GLB1L2: variants seen among roughly 807,000 people sequenced by gnomAD.
GLB1L2 encodes the protein beta-galactosidase-1-like protein 2.
GLB1L2 carries 68 observed loss-of-function variants against 84.1 expected under a neutral mutation model. The ratio of observed to expected loss-of-function variants is 0.81; its 90% confidence interval spans 0.67 to 0.99. The LOEUF (loss-of-function observed/expected upper bound fraction) is 0.99. Ranked by LOEUF, GLB1L2 falls within the 50% of genes least tolerant of loss-of-function variation. The probability of loss-of-function intolerance (pLI) is 0.00; values close to 1 mark genes in which losing one functional copy is unlikely to be tolerated. For missense variants in GLB1L2, 762 were observed against 805.6 expected (o/e 0.95, Z 0.66); for synonymous variants, 290 against 318.0 (o/e 0.91, Z 0.94).
At chr11:134,333,470 G>A (rs948640275) in intron 1 of GLB1L2, among the ~76,000 whole-genome samples, 1 of 152,224 alleles carries the variant, frequency 6.6e-6, no homozygotes, top group Non-Finnish European at 1.5e-5. Flanking sequence ...AGGCGTGCAA[G>A]CTGCCAAGAG....
intron 6 of GLB1L2, among the ~76,000 whole-genome samples, chr11:134,357,575 G>A (rs1036232819): frequency 1.3e-5 from 2 of 152,250 alleles, no homozygotes; most frequent in African/African-American, 2.4e-5. Context: ...GCCTCTCAGC[G>A]GTTGTTGACT....
intron 15 of GLB1L2, 62 bp from the exon 16 acceptor site, chr11:134,373,659 C>T: frequency 1.8e-6 from 2 of 1,113,270 alleles, no homozygotes; most frequent in Admixed American, 1.8e-5. Flanking sequence ...CCTCGTGGCC[C>T]CGGCCCAGCT....
In GLB1L2 at chr11:134,364,317, C is replaced by T; in HGVS notation, c.734-11C>T. 1.2e-6 allele frequency: 2 copies of T among 1,611,358 alleles called. No homozygotes were observed. The highest frequency in any genetic ancestry group is 2.2e-5 in the South Asian group (2 of 90,942). ...GTGCTTTGTCTCTCTCTCTCCTCTT[C>T]CCTTTAACAGTCTTGGCCACCATCA... On this transcript the variant is annotated splice_polypyrimidine_tract_variant and intron_variant, in intron 7 of 18. Coordinates refer to ENST00000535456, the MANE Select transcript of GLB1L2 (RefSeq NM_001370461.1).
chr11:134,344,710 G>A (rs888715384), intron 3 of GLB1L2, among the ~76,000 whole-genome samples: 5 of 152,252 alleles, frequency 3.3e-5, no homozygotes, highest in Non-Finnish European at 5.9e-5. Flanking sequence ...GGAGCCGCCC[G>A]ACTCTGCATG....
intron 5 of GLB1L2, among the ~76,000 whole-genome samples, chr11:134,349,924 G>T (rs1005905787): frequency 3.9e-5 from 6 of 152,140 alleles, no homozygotes; most frequent in Non-Finnish European, 1.5e-5. Flanking sequence ...TGGAAGCTAG[G>T]GCCTGGAACG....
At chr11:134,332,231 C>T in intron 1 of GLB1L2, 84 bp downstream of exon 1, 1 of 982,878 alleles carries the variant, frequency 1.0e-6, no homozygotes. Flanking sequence ...CCGCGACCCG[C>T]GAATCCCGAG....
intron 1 of GLB1L2, among the ~76,000 whole-genome samples, chr11:134,340,764 T>C (rs1418253460): frequency 6.6e-6 from 1 of 152,228 alleles, no homozygotes; most frequent in African/African-American, 2.4e-5. Context: ...CATTCGTAGA[T>C]GGTGTGGCTG....
At position 134,371,138 on chromosome 11, in the gene GLB1L2, A is replaced by G; in HGVS notation, c.1346A>G (p.Asp449Gly). ...GGCATCCTCAGTGGCCACGTGCATG[A>G]TCGGGGGCAGGTAGGAGCTTCTCTT... Reference protein sequence around the residue: ...SSGILSGHVHDRGQVFVNTVS... With the variant: ...SSGILSGHVHGRGQVFVNTVS... The change falls in exon 13 of 19, where the codon GAT (aspartate) becomes GGT (glycine). Residue 449 changes from aspartate to glycine, a missense_variant. Asp to Gly is a moderately conservative substitution (Grantham distance 94). Around this residue, in one of 3 missense-constraint regions of GLB1L2, gnomAD observed 603 missense variants for 611.7 expected, o/e 0.99. Transcript: ENST00000535456. 6.2e-7 allele frequency: 1 copy of G among 1,614,194 alleles called. No individual in the cohort carries two copies. Among genetic ancestry groups the G allele is most frequent in the Middle Eastern group, 1.6e-4 (1 of 6,062 alleles).
At chr11:134,374,894 AC>A in intron 18 of GLB1L2, 77 bp from the exon 19 acceptor site, 1 of 1,404,128 alleles carries the variant, frequency 7.1e-7, no homozygotes, top group African/African-American at 1.4e-5. Context: ...TTTCCTTCTG[AC>A]CCTGCCACCT....
Position 134,372,136 on chromosome 11 carries a change from C to T in GLB1L2, c.1507+306C>T, listed in dbSNP as rs1011869720. ...CTGCAAGGATGTCTGCTTGGGGGGG[C>T]GGCAGTGAGGAGCAATGAATGTGAT... is the stretch of plus-strand genomic sequence containing the variant. On this transcript the variant is annotated intron_variant, in intron 15 of 18. Transcript: ENST00000535456. Among the ~76,000 whole-genome samples, 93 of 152,240 alleles carry T rather than the reference C, an allele frequency of 6.1e-4. 1 individual carries two copies. The highest frequency in any genetic ancestry group is 3.4e-3 in the Middle Eastern group (1 of 294).
intron 4 of GLB1L2, 107 bp downstream of exon 4, chr11:134,345,236 A>T: frequency 8.2e-7 from 1 of 1,213,338 alleles, no homozygotes; most frequent in Non-Finnish European, 1.1e-6. Context: ...ATTGTGTTCC[A>T]GTTCCCATTC....
At chr11:134,351,194 G>A (rs11500923) in intron 5 of GLB1L2, among the ~76,000 whole-genome samples, 5 of 152,198 alleles carry the variant, frequency 3.3e-5, no homozygotes, top group Admixed American at 6.5e-5. Flanking sequence ...TGTTGAGGTA[G>A]TTTCCTTCTG....
chr11:134,371,320 G>A lies in GLB1L2; in HGVS notation c.1357-101G>A, dbSNP rs149522623. 802 of 1,192,248 alleles carry A rather than the reference G, an allele frequency of 6.7e-4. 4 individuals are homozygous for A. The African/African-American group carries it at 8.6e-3, about 13-fold the overall frequency. The allele number at this position is 1,192,248 out of a possible 1,614,324, so 73.9% of individuals were successfully genotyped here. A position where few individuals can be genotyped will look rare whatever the true frequency, so the allele number is the denominator to read the frequency against. On this transcript the variant is annotated intron_variant, in intron 13 of 18. Coordinates refer to ENST00000535456, the MANE Select transcript of GLB1L2 (RefSeq NM_001370461.1). ...TGTCTGCTCTGCCCACTGGCCCCTC[G>A]TCTGCCTACAGGCACGCGTGCTGCC...
intron 7 of GLB1L2, among the ~76,000 whole-genome samples, chr11:134,363,485 G>A (rs1013900979): frequency 1.3e-5 from 2 of 152,246 alleles, no homozygotes; most frequent in Admixed American, 1.3e-4. Flanking sequence ...ATAAGGCTGT[G>A]CCACTGGGGT....
At chr11:134,372,070 A>C (rs1233110141) in intron 15 of GLB1L2, among the ~76,000 whole-genome samples, 1 of 152,174 alleles carries the variant, frequency 6.6e-6, no homozygotes, top group Non-Finnish European at 1.5e-5. Flanking sequence ...CACTGTGAAC[A>C]CTGAGCTGGC....
intron 5 of GLB1L2, among the ~76,000 whole-genome samples, chr11:134,348,498 C>T (rs1356812680): frequency 2.6e-5 from 4 of 152,084 alleles, no homozygotes; most frequent in Non-Finnish European, 4.4e-5. Context: ...AGACGTGCAG[C>T]GGGTCACCAA....
At chr11:134,351,475 A>G (rs1209806879) in intron 5 of GLB1L2, among the ~76,000 whole-genome samples, 1 of 150,702 alleles carries the variant, frequency 6.6e-6, no homozygotes, top group African/African-American at 2.4e-5. Flanking sequence ...CCTCCTGAAT[A>G]GCTGGGGTTA....
intron 9 of GLB1L2, among the ~76,000 whole-genome samples, chr11:134,368,233 G>A (rs1050205989): frequency 1.3e-5 from 2 of 152,090 alleles, no homozygotes; most frequent in Non-Finnish European, 2.9e-5. Flanking sequence ...TTATGTCATG[G>A]TTCATTTCCT....
At chr11:134,340,407 G>A (rs1565433282) in intron 1 of GLB1L2, among the ~76,000 whole-genome samples, 1 of 152,202 alleles carries the variant, frequency 6.6e-6, no homozygotes, top group Non-Finnish European at 1.5e-5. Context: ...AGCCCAGCAT[G>A]TGCCTCTGAG....
Sources: gnomAD v4.1 joint callset for allele counts (sites outside exome capture counted in the v4.1 genomes callset) on GRCh38, gnomAD v4.1.1 for gene constraint, gnomAD v4.1.1 regional missense constraint, MANE v1.5 for transcripts, NCBI Gene and HGNC (gene_info 2026-07-23, HGNC 2026-07-21) for gene names.